The following COTL1 variants were observed in gnomAD, a reference collection of about 807,000 sequenced individuals.
COTL1 encodes the protein coactosin-like protein.
A neutral mutation model predicts 16.5 loss-of-function variants in COTL1; 15 were observed. The observed-to-expected ratio is 0.91, with a 90% CI of 0.61 to 1.40. The LOEUF (loss-of-function observed/expected upper bound fraction) is 1.40, where lower values mean the gene tolerates loss of function less well. Ranked by LOEUF, COTL1 falls within the 40% of genes most tolerant of loss-of-function variation. The pLI is 0.00. For missense variants in COTL1, 220 were observed against 201.5 expected (o/e 1.09, Z -0.56); for synonymous variants, 112 against 85.3 (o/e 1.31, Z -1.73).
At chr16:84,585,111 T>C (rs186585246) in intron 3 of COTL1, among the ~76,000 whole-genome samples, 87 of 152,320 alleles carry the variant, frequency 5.7e-4, no homozygotes, top group Admixed American at 1.0e-3. Context: ...ATCCCATTCT[T>C]CATTTTACAA....
intron 2 of COTL1, among the ~76,000 whole-genome samples, chr16:84,609,443 A>C (rs1487654095): frequency 6.6e-6 from 1 of 152,218 alleles, no homozygotes; most frequent in Non-Finnish European, 1.5e-5. Flanking sequence ...GTGAGACAGG[A>C]GAGTGCAGAG....
intron 3 of COTL1, among the ~76,000 whole-genome samples, chr16:84,582,652 A>T (rs1200445608): frequency 1.3e-5 from 2 of 152,222 alleles, no homozygotes; most frequent in East Asian, 1.9e-4. Flanking sequence ...GGCTGGTAGG[A>T]GAATGGGGTA....
At chr16:84,617,349 T>G in intron 2 of COTL1, 152 bp downstream of exon 2, 1 of 684,032 alleles carries the variant, frequency 1.5e-6, no homozygotes, top group South Asian at 1.8e-5. Context: ...TTATGAGGCC[T>G]TAAAACGCTC....
chr16:84,608,390 G>A (rs1752989700), intron 2 of COTL1, among the ~76,000 whole-genome samples: 1 of 152,070 alleles, frequency 6.6e-6, no homozygotes, highest in South Asian at 2.1e-4. Flanking sequence ...TTCTGTTTGT[G>A]GTGACACAGC....
In COTL1 at chr16:84,590,093, G is replaced by A. The variant is rs750151786; in HGVS notation, c.318+12C>T. 12 of 1,604,802 alleles carry A rather than the reference G, an allele frequency of 7.5e-6. No individual in the cohort carries two copies. The highest frequency in any genetic ancestry group is 1.7e-5 in the Admixed American group (1 of 59,702). On this transcript the variant is annotated intron_variant, in intron 3 of 3. Coordinates refer to ENST00000262428, the MANE Select transcript of COTL1 (RefSeq NM_021149.5). This position sits in a 1 kb window ranked among gnomAD's most constrained non-coding sequence, Gnocchi z 5.5. ...CGAGCTTTGACCTCCAGACTCTGGA[G>A]GAACTCAGTACCTGTACGACCTCCT...
intron 2 of COTL1, among the ~76,000 whole-genome samples, chr16:84,600,339 A>G (rs1476957107): frequency 6.9e-6 from 1 of 144,524 alleles, no homozygotes; most frequent in Non-Finnish European, 1.5e-5. Flanking sequence ...TTGAGACGAA[A>G]TCTCGCTCTG....
chr16:84,585,157 C>T (rs1484675408), intron 3 of COTL1, among the ~76,000 whole-genome samples: 1 of 152,064 alleles, frequency 6.6e-6, no homozygotes, highest in Non-Finnish European at 1.5e-5. Flanking sequence ...GAGAGACTTG[C>T]CCATGGTCAG....
intron 2 of COTL1, among the ~76,000 whole-genome samples, chr16:84,599,651 G>C (rs1341632849): frequency 6.6e-6 from 1 of 152,182 alleles, no homozygotes; most frequent in Non-Finnish European, 1.5e-5. Context: ...AAAGAAAGGG[G>C]GAAGGGGAGG....
intron 2 of COTL1, among the ~76,000 whole-genome samples, chr16:84,600,211 A>T (rs1905081068): frequency 6.6e-6 from 1 of 152,162 alleles, no homozygotes; most frequent in African/African-American, 2.4e-5. Flanking sequence ...CTGCTCAAAA[A>T]ACTTTGCAAA....
intron 3 of COTL1, among the ~76,000 whole-genome samples, chr16:84,579,940 C>A (rs1026592258): frequency 1.3e-5 from 2 of 152,248 alleles, no homozygotes; most frequent in African/African-American, 4.8e-5. Flanking sequence ...AGATTCATTT[C>A]TTCAGGTTAA....
intron 2 of COTL1, among the ~76,000 whole-genome samples, chr16:84,605,363 G>A (rs1905191948): frequency 2.0e-5 from 3 of 152,236 alleles, no homozygotes; most frequent in Admixed American, 2.0e-4. Context: ...CTGGGTCACT[G>A]GGCATATTAA....
intron 2 of COTL1, among the ~76,000 whole-genome samples, chr16:84,606,706 G>A (rs1033327825): frequency 6.6e-6 from 1 of 152,190 alleles, no homozygotes; most frequent in Non-Finnish European, 1.5e-5. Flanking sequence ...CTGGAGTGCA[G>A]AAACCCTAAA....
chr16:84,592,942 C>A (rs1456948321), intron 2 of COTL1, among the ~76,000 whole-genome samples: 2 of 152,244 alleles, frequency 1.3e-5, no homozygotes, highest in African/African-American at 4.8e-5. Flanking sequence ...TTAAAGGAAA[C>A]TGATCGTCAT....
chr16:84,613,228 G>A (rs1217031854), intron 2 of COTL1, among the ~76,000 whole-genome samples: 2 of 152,052 alleles, frequency 1.3e-5, no homozygotes, highest in Admixed American at 1.3e-4. Flanking sequence ...TCGAACTCCT[G>A]ACCTCAAGTG....
At chr16:84,576,636 G>A (rs1904459470) in intron 3 of COTL1, 1 of 152,128 alleles carries the variant, frequency 6.6e-6, no homozygotes, top group Admixed American at 6.5e-5. Context: ...GAAAGAAGAA[G>A]GCTGGACAAC....
rs571966256 is a variant in COTL1, at chr16:84,609,389, CCAGT to C, written c.160+8108_160+8111del. 5.0e-3 allele frequency among the ~76,000 whole-genome samples: 760 copies of C among 152,310 alleles called. 7 individuals are homozygous for C. Among genetic ancestry groups the C allele is most frequent in the African/African-American group, 0.017 (712 of 41,558 alleles). On this transcript the variant is annotated intron_variant, in intron 2 of 3. Transcript: ENST00000262428. Reference sequence around the variant, plus strand: ...GGCATCCCCTAGGCCTGCACTAAGGCCAGTCAGTCTTCCTGGAGGCATAGCAGGC... The same window carrying C: ...GGCATCCCCTAGGCCTGCACTAAGGCCAGTCTTCCTGGAGGCATAGCAGGC...
At chr16:84,613,024 A>G (rs1365350417) in intron 2 of COTL1, among the ~76,000 whole-genome samples, 1 of 144,430 alleles carries the variant, frequency 6.9e-6, no homozygotes, top group Non-Finnish European at 1.5e-5. Context: ...TTTTTGAGAT[A>G]GAGTCTCACT....
intron 2 of COTL1, among the ~76,000 whole-genome samples, chr16:84,591,837 T>TAAAAC (rs200810286): frequency 1.1e-5 from 1 of 89,676 alleles, no homozygotes; most frequent in Non-Finnish European, 2.1e-5. Context: ...TAAAATAAAA[T>TAAAAC]AAAATAAAAT....
chr16:84,592,366 A>G (rs1904891215), intron 2 of COTL1, among the ~76,000 whole-genome samples: 1 of 152,162 alleles, frequency 6.6e-6, no homozygotes, highest in South Asian at 2.1e-4. Flanking sequence ...TTCACCTTGT[A>G]TTAGCCACTT....
Sources: gnomAD v4.1 joint callset for allele counts (sites outside exome capture counted in the v4.1 genomes callset) on GRCh38, gnomAD v4.1.1 for gene constraint, Gnocchi (gnomAD v3.1) non-coding constraint, MANE v1.5 for transcripts, NCBI Gene and HGNC (gene_info 2026-07-23, HGNC 2026-07-21) for gene names.